The following LRRC4C variants were observed in gnomAD, a reference collection of about 807,000 sequenced individuals.
LRRC4C encodes the protein leucine rich repeat containing 4C.
Under a neutral mutation model 33.6 loss-of-function variants are expected in LRRC4C, and 5 were observed. The observed-to-expected ratio is 0.15, with a 90% CI of 0.08 to 0.31. The LOEUF (loss-of-function observed/expected upper bound fraction) is 0.31. Ranked by LOEUF, LRRC4C falls within the 10% of genes least tolerant of loss-of-function variation. LRRC4C has a pLI of 1.00. For missense variants in LRRC4C, 560 were observed against 796.7 expected (o/e 0.70, Z 3.58); for synonymous variants, 329 against 302.0 (o/e 1.09, Z -0.93).
At chr11:40,858,909 T>C (rs1387912797) in intron 2 of LRRC4C, among the ~76,000 whole-genome samples, 1 of 152,102 alleles carries the variant, frequency 6.6e-6, no homozygotes, top group Non-Finnish European at 1.5e-5. Flanking sequence ...TTGATTTCCA[T>C]TAAAAAAATT....
chr11:40,402,917 C>T (rs1408854065), intron 3 of LRRC4C, among the ~76,000 whole-genome samples: 3 of 152,070 alleles, frequency 2.0e-5, no homozygotes, highest in African/African-American at 7.2e-5. Context: ...CACTATACCA[C>T]ATAACCTCCA....
At chr11:40,932,665 T>G (rs150463817) in intron 2 of LRRC4C, among the ~76,000 whole-genome samples, 1 of 152,286 alleles carries the variant, frequency 6.6e-6, no homozygotes, top group East Asian at 1.9e-4. Flanking sequence ...GATAAAGAGA[T>G]ATTTTAAGGT....
At chr11:41,395,904 T>C (rs923306056) in intron 1 of LRRC4C, among the ~76,000 whole-genome samples, 3 of 152,104 alleles carry the variant, frequency 2.0e-5, no homozygotes, top group Admixed American at 2.0e-4. Context: ...AGTTTATTTT[T>C]ATTTGTTTCT....
At chr11:40,876,039 T>C (rs1157802702) in intron 2 of LRRC4C, among the ~76,000 whole-genome samples, 5 of 152,092 alleles carry the variant, frequency 3.3e-5, no homozygotes, top group Admixed American at 3.3e-4. Context: ...AGATAGAATG[T>C]TGGAAATGGG....
At chr11:40,982,097 T>C (rs761300520) in intron 1 of LRRC4C, among the ~76,000 whole-genome samples, 5 of 152,182 alleles carry the variant, frequency 3.3e-5, no homozygotes, top group African/African-American at 4.8e-5. Flanking sequence ...TCAGTGTTTC[T>C]CTTGAGGCAT....
Position 40,114,733 on chromosome 11 carries a change from A to G in LRRC4C, c.1560T>C (p.Asp520=). The change falls in exon 7 of 7, where the codon GAT becomes GAC. Residue 520 remains aspartate, a synonymous_variant. Coordinates refer to ENST00000528697, the MANE Select transcript of LRRC4C (RefSeq NM_001258419.2). ...TGATTTTGGTAGTCTTCATGACCTCATCAATTCCTGGGATCCCACTGTTTA... is the reference window on the plus strand; with the variant it reads ...TGATTTTGGTAGTCTTCATGACCTCGTCAATTCCTGGGATCCCACTGTTTA... The part of the protein sequence containing the change: ...TDINSGIPGI[D]EVMKTTKIII... 6.2e-7 allele frequency: 1 copy of G among 1,614,168 alleles called. No homozygotes were observed. Among genetic ancestry groups the G allele is most frequent in the Non-Finnish European group, 8.5e-7 (1 of 1,180,024 alleles).
intron 2 of LRRC4C, among the ~76,000 whole-genome samples, chr11:40,932,429 A>C (rs1376651498): frequency 6.6e-6 from 1 of 152,144 alleles, no homozygotes; most frequent in Non-Finnish European, 1.5e-5. Flanking sequence ...GAACACAGGA[A>C]AAGAGTGAAA....
chr11:40,135,984 A>G (rs538057229), intron 6 of LRRC4C, among the ~76,000 whole-genome samples: 2 of 152,360 alleles, frequency 1.3e-5, no homozygotes, highest in South Asian at 4.1e-4. Context: ...ATGTGAGCAG[A>G]ACTAGAAGAG....
At chr11:41,294,696 C>T (rs1331383301) in intron 1 of LRRC4C, among the ~76,000 whole-genome samples, 2 of 152,074 alleles carry the variant, frequency 1.3e-5, no homozygotes, top group African/African-American at 4.8e-5. Context: ...TCACTCTTTT[C>T]AGAATGCAAT....
intron 4 of LRRC4C, among the ~76,000 whole-genome samples, chr11:40,294,803 G>T (rs1391248925): frequency 6.6e-6 from 1 of 151,822 alleles, no homozygotes; most frequent in Non-Finnish European, 1.5e-5. Context: ...CTCCAGCCTG[G>T]GAGACAAGAG....
chr11:41,369,244 T>A (rs1170288585), intron 1 of LRRC4C, among the ~76,000 whole-genome samples: 1 of 152,178 alleles, frequency 6.6e-6, no homozygotes, highest in African/African-American at 2.4e-5. Flanking sequence ...TTACATAGGA[T>A]GTTACTGATG....
intron 1 of LRRC4C, among the ~76,000 whole-genome samples, chr11:41,193,266 G>A (rs1486323562): frequency 2.0e-5 from 3 of 152,030 alleles, no homozygotes; most frequent in African/African-American, 7.2e-5. Context: ...AGTTTTTCTT[G>A]ATAATGCCCA....
At chr11:40,130,709 A>C (rs1856588524) in intron 6 of LRRC4C, among the ~76,000 whole-genome samples, 1 of 152,144 alleles carries the variant, frequency 6.6e-6, no homozygotes, top group South Asian at 2.1e-4. Context: ...TTTGTGTGAC[A>C]TGTAAGCCCC....
intron 1 of LRRC4C, among the ~76,000 whole-genome samples, chr11:41,253,412 A>G (rs949623665): frequency 6.6e-6 from 1 of 152,116 alleles, no homozygotes; most frequent in African/African-American, 2.4e-5. Context: ...ACTTCTGAAG[A>G]CCATTTCATA....
At chr11:41,161,306 TG>T (rs1944461152) in intron 1 of LRRC4C, among the ~76,000 whole-genome samples, 1 of 152,196 alleles carries the variant, frequency 6.6e-6, no homozygotes, top group Non-Finnish European at 1.5e-5. Flanking sequence ...TTTGCCTAAA[TG>T]GTTTAATCAC....
chr11:41,063,618 G>A (rs1225849695), intron 1 of LRRC4C, among the ~76,000 whole-genome samples: 1 of 152,174 alleles, frequency 6.6e-6, no homozygotes, highest in African/African-American at 2.4e-5. Flanking sequence ...GCCCTGAAGA[G>A]AGCATAACAT....
chr11:41,185,430 TTTC>T lies in LRRC4C; in HGVS notation c.-495-251710_-495-251708del, dbSNP rs541894679. Among the ~76,000 whole-genome samples, 11 of 152,322 alleles carry T rather than the reference TTTC, an allele frequency of 7.2e-5. No individual in the cohort carries two copies. The South Asian group carries it at 2.3e-3, about 32-fold the overall frequency. ...AAGAAAGGAGAGAAAGAATGGATGATTTCTTAAGTGTTTGTAATCTGTAGAAGC... is the reference window on the plus strand; with the variant it reads ...AAGAAAGGAGAGAAAGAATGGATGATTTAAGTGTTTGTAATCTGTAGAAGC... On this transcript the variant is annotated intron_variant, in intron 1 of 6. Transcript: ENST00000528697.
At chr11:40,361,166 T>C (rs893349672) in intron 3 of LRRC4C, among the ~76,000 whole-genome samples, 2 of 152,126 alleles carry the variant, frequency 1.3e-5, no homozygotes, top group Non-Finnish European at 2.9e-5. Flanking sequence ...CCTGGAAGCA[T>C]TCCCCTTGCA....
intron 1 of LRRC4C, among the ~76,000 whole-genome samples, chr11:41,059,556 T>C (rs1175020707): frequency 6.6e-6 from 1 of 152,272 alleles, no homozygotes; most frequent in African/African-American, 2.4e-5. Context: ...TCTTCTTCTT[T>C]TTATTTTGTT....
Sources: allele counts gnomAD v4.1 joint callset (sites outside exome capture counted in the v4.1 genomes callset), GRCh38; gene constraint gnomAD v4.1.1; transcripts MANE v1.5; gene names NCBI Gene and HGNC (gene_info 2026-07-23, HGNC 2026-07-21).